NDE1: variants seen among roughly 807,000 people sequenced by gnomAD.
NDE1 encodes nuclear distribution protein nudE homolog 1.
Under a neutral mutation model 43.4 loss-of-function variants are expected in NDE1, and 28 were observed. The ratio of observed to expected loss-of-function variants is 0.65; its 90% CI spans 0.48 to 0.89. The LOEUF (loss-of-function observed/expected upper bound fraction) is 0.89. Ranked by LOEUF, NDE1 falls within the 40% of genes least tolerant of loss-of-function variation. The probability of loss-of-function intolerance (pLI) is 0.00; values close to 1 mark genes in which losing one functional copy is unlikely to be tolerated. For synonymous variants in NDE1, 184 were observed against 172.0 expected (o/e 1.07, Z -0.55); for missense variants, 441 against 434.1 (o/e 1.02, Z -0.14).
upstream of NDE1, among the ~76,000 whole-genome samples, chr16:15,646,683 A>T (rs1482416442): frequency 6.6e-6 from 1 of 152,062 alleles, no homozygotes; most frequent in African/African-American, 2.4e-5. Flanking sequence ...ATGAGCCGAG[A>T]TCGCACCACT....
chr16:15,655,521 A>G (rs1309483096), intron 1 of NDE1, among the ~76,000 whole-genome samples: 1 of 152,090 alleles, frequency 6.6e-6, no homozygotes, highest in Non-Finnish European at 1.5e-5. Context: ...ACACTTTTAC[A>G]CTGTTGGTGG....
intron 8 of NDE1, among the ~76,000 whole-genome samples, chr16:15,707,624 T>G (rs1366321314): frequency 6.6e-6 from 1 of 152,180 alleles, no homozygotes; most frequent in Non-Finnish European, 1.5e-5. Context: ...AAAATGAAGA[T>G]GGACACAAAT....
chr16:15,715,269 C>A lies in NDE1; in HGVS notation c.948-8922C>A, dbSNP rs954894296. ...TCAGCGACTTGGTGGCCGCCTGTTT[C>A]TCTCTGCAAACAGCAAGGAAAACAG... On this transcript the variant is annotated intron_variant, in intron 8 of 8. Coordinates refer to ENST00000396354, the MANE Select transcript of NDE1 (RefSeq NM_017668.3). 7 of 1,614,108 alleles carry A rather than the reference C, an allele frequency of 4.3e-6. No homozygotes were observed. The South Asian group carries it at 5.5e-5, about 13-fold the overall frequency.
intron 4 of NDE1, among the ~76,000 whole-genome samples, chr16:15,685,480 G>T (rs528603265): frequency 6.6e-6 from 1 of 152,180 alleles, no homozygotes; most frequent in South Asian, 2.1e-4. Context: ...TGAACCCTGG[G>T]CCTCAAGCGG....
At chr16:15,714,709 A>G in intron 8 of NDE1, 1 of 677,864 alleles carries the variant, frequency 1.5e-6, no homozygotes. Context: ...GTTAGCTGCT[A>G]CCAGGCAAGG....
At chr16:15,651,784 G>C (rs998310495) in intron 1 of NDE1, 1 of 152,024 alleles carries the variant, frequency 6.6e-6, no homozygotes, top group Non-Finnish European at 1.5e-5. Flanking sequence ...TTTTGTGTAG[G>C]ATTAAATGCA....
chr16:15,723,921 C>T (rs1054649489), intron 8 of NDE1, among the ~76,000 whole-genome samples: 1 of 152,184 alleles, frequency 6.6e-6, no homozygotes, highest in African/African-American at 2.4e-5. Flanking sequence ...TGCAGGTGAC[C>T]CTCATGGTGC....
chr16:15,703,682 G>A (rs1250611448), intron 8 of NDE1: 1 of 453,082 alleles, frequency 2.2e-6, no homozygotes, highest in African/African-American at 2.0e-5. Context: ...TCGAAGTCCT[G>A]GGCTGGAGCG....
intron 8 of NDE1, chr16:15,702,200 G>C (rs2039242123): frequency 6.6e-6 from 1 of 152,206 alleles, no homozygotes. Context: ...CATCGTTTGT[G>C]TTGAACAGAG....
intron 4 of NDE1, chr16:15,686,939 C>A: frequency 1.0e-6 from 1 of 977,286 alleles, no homozygotes; most frequent in Non-Finnish European, 1.2e-6. Context: ...TCAGGTCTTC[C>A]ACCTGCCTCG....
chr16:15,650,121 A>G (rs2036420062), upstream of NDE1: 1 of 153,104 alleles, frequency 6.5e-6, no homozygotes, highest in African/African-American at 2.4e-5. Flanking sequence ...TTTCCAAACG[A>G]CGCTGCTCTG....
intron 8 of NDE1, chr16:15,720,062 C>T (rs1160998749): frequency 1.3e-6 from 2 of 1,569,118 alleles, no homozygotes; most frequent in Admixed American, 1.7e-5. Flanking sequence ...TGCAGGCTTG[C>T]TTCCTGGAGC....
chr16:15,708,886 G>A, intron 8 of NDE1: 1 of 1,565,430 alleles, frequency 6.4e-7, no homozygotes, highest in Non-Finnish European at 8.8e-7. Context: ...CAGCAAACAA[G>A]AAGGAGCCCG....
Position 15,696,790 on chromosome 16 carries a change from C to T in NDE1, c.877C>T (p.Arg293Trp), listed in dbSNP as rs770590721. 5.6e-6 allele frequency: 9 copies of T among 1,614,174 alleles called. No individual in the cohort carries two copies. Among genetic ancestry groups the T allele is most frequent in the Non-Finnish European group, 6.8e-6 (8 of 1,180,030 alleles). The part of the protein sequence containing the change: ...PNRTGGPASG[R>W]SSKNRDGGER... ...CCGAACAGGTGGCCCAGCCTCTGGG[C>T]GGAGCAGCAAGAACAGAGATGGCGG... is the stretch of plus-strand genomic sequence containing the variant. Residue 293 changes from arginine (R) to tryptophan (W), a missense_variant, in exon 8 of 9, where the codon CGG (arginine) becomes TGG (tryptophan). Coordinates refer to ENST00000396354, the MANE Select transcript of NDE1 (RefSeq NM_017668.3).
At chr16:15,685,150 A>G (rs1169093400) in intron 4 of NDE1, among the ~76,000 whole-genome samples, 5 of 152,176 alleles carry the variant, frequency 3.3e-5, no homozygotes, top group Non-Finnish European at 4.4e-5. Context: ...TCTACATATT[A>G]TTATGTGAAT....
rs568361853 is a variant in NDE1, at chr16:15,645,222, TTATATG to T, written c.-166+1301_-166+1306del. On this transcript the variant is annotated intron_variant, in intron 1 of 9. Transcript: ENST00000396355. ...GCCAACGAGCTTGACCACATTTTCT[TTATATG>T]TATATTTTTCTTTTAGATTCCTTTT... 2.1e-3 allele frequency among the ~76,000 whole-genome samples: 321 copies of T among 152,282 alleles called. 1 individual carries two copies. Among genetic ancestry groups the T allele is most frequent in the African/African-American group, 7.5e-3 (310 of 41,554 alleles).
At chr16:15,707,347 C>T (rs763935401) in intron 8 of NDE1, among the ~76,000 whole-genome samples, 1 of 152,100 alleles carries the variant, frequency 6.6e-6, no homozygotes, top group Non-Finnish European at 1.5e-5. Flanking sequence ...GGATTCTATT[C>T]GTGGACTCAG....
chr16:15,668,350 C>T (rs144874218), intron 3 of NDE1, among the ~76,000 whole-genome samples: 10 of 152,128 alleles, frequency 6.6e-5, no homozygotes, highest in African/African-American at 1.9e-4. Context: ...AGCGAGACTC[C>T]GTCTCAAAAA....
At chr16:15,678,025 C>A (rs2037976944) in intron 4 of NDE1, 76 bp downstream of exon 4, 3 of 1,561,284 alleles carry the variant, frequency 1.9e-6, no homozygotes, top group Non-Finnish European at 2.6e-6. Context: ...GGTACTGGGC[C>A]CTGTGCTGAG....
Sources: allele counts gnomAD v4.1 joint callset (sites outside exome capture counted in the v4.1 genomes callset), GRCh38; gene constraint gnomAD v4.1.1; transcripts MANE v1.5; gene names NCBI Gene and HGNC (gene_info 2026-07-23, HGNC 2026-07-21).